Variants in GRID2 observed in about 807,000 individuals in gnomAD.
GRID2 encodes glutamate receptor ionotropic, delta-2.
GRID2 carries 33 observed loss-of-function variants against 114.8 expected under a neutral mutation model. That is an observed-to-expected ratio of 0.29 (90% CI 0.22 to 0.38). GRID2 has a LOEUF of 0.38. Among genes scored for constraint, GRID2 ranks in the 10% least tolerant of loss-of-function variants. The probability of loss-of-function intolerance (pLI) is 1.00; values close to 1 mark genes in which losing one functional copy is unlikely to be tolerated. For missense variants in GRID2, 1,184 were observed against 1,257.7 expected (o/e 0.94, Z 0.89); for synonymous variants, 505 against 449.9 (o/e 1.12, Z -1.55).
intron 13 of GRID2, among the ~76,000 whole-genome samples, chr4:93,570,595 T>A (rs1041414298): frequency 6.6e-6 from 1 of 152,184 alleles, no homozygotes; most frequent in Non-Finnish European, 1.5e-5. Flanking sequence ...TAAAGCTTGC[T>A]AATTACCCTG....
At chr4:93,419,365 A>G (rs1429390289) in intron 9 of GRID2, among the ~76,000 whole-genome samples, 2 of 152,018 alleles carry the variant, frequency 1.3e-5, no homozygotes, top group African/African-American at 4.8e-5. Context: ...CATAGATAAA[A>G]GTGATCAAAA....
intron 1 of GRID2, among the ~76,000 whole-genome samples, chr4:92,373,339 G>C (rs2110222497): frequency 1.3e-5 from 2 of 152,288 alleles, no homozygotes; most frequent in South Asian, 4.1e-4. Context: ...ATGTTGTCCA[G>C]ATCCATCATA....
chr4:92,707,358 A>G (rs1316044260), intron 2 of GRID2, among the ~76,000 whole-genome samples: 1 of 152,206 alleles, frequency 6.6e-6, no homozygotes, highest in Non-Finnish European at 1.5e-5. Context: ...AATGGATAGC[A>G]AAATTTTGAC....
intron 8 of GRID2, among the ~76,000 whole-genome samples, chr4:93,272,708 CA>C (rs1449018168): frequency 1.3e-5 from 2 of 152,148 alleles, no homozygotes; most frequent in Non-Finnish European, 2.9e-5. Flanking sequence ...TAGATGCCAG[CA>C]AGCCATGGCA....
At chr4:93,242,842 G>A (rs190434249) in intron 8 of GRID2, among the ~76,000 whole-genome samples, 5 of 152,052 alleles carry the variant, frequency 3.3e-5, no homozygotes, top group Non-Finnish European at 7.4e-5. Flanking sequence ...GAGTTCTGAG[G>A]TCAATATAGT....
chr4:92,630,278 A>C (rs999752819), intron 2 of GRID2, among the ~76,000 whole-genome samples: 3 of 152,114 alleles, frequency 2.0e-5, no homozygotes, highest in African/African-American at 7.2e-5. Flanking sequence ...CCATCCTTGT[A>C]CTTCATCACA....
At chr4:93,622,782 G>A (rs895016624) in intron 13 of GRID2, among the ~76,000 whole-genome samples, 1 of 151,924 alleles carries the variant, frequency 6.6e-6, no homozygotes, top group Non-Finnish European at 1.5e-5. Context: ...CTTTTTATTG[G>A]GTATCCAATA....
At chr4:92,935,054 A>G (rs919879473) in intron 2 of GRID2, among the ~76,000 whole-genome samples, 1 of 146,852 alleles carries the variant, frequency 6.8e-6, no homozygotes, top group African/African-American at 2.4e-5. Context: ...TAATTAAACT[A>G]AAGAGCTTCT....
chr4:93,439,464 GT>G (rs1429911819), intron 10 of GRID2, among the ~76,000 whole-genome samples: 1 of 152,038 alleles, frequency 6.6e-6, no homozygotes, highest in African/African-American at 2.4e-5. Context: ...TGATTTTGTG[GT>G]ACCTGAGGAA....
At chr4:93,196,446 A>T (rs936803372) in intron 4 of GRID2, among the ~76,000 whole-genome samples, 11 of 152,098 alleles carry the variant, frequency 7.2e-5, no homozygotes, top group Non-Finnish European at 4.4e-5. Context: ...TTTTCCTGTG[A>T]AGTCTTTTAA....
At chr4:93,040,926 G>C (rs1053263222) in intron 2 of GRID2, among the ~76,000 whole-genome samples, 2 of 152,000 alleles carry the variant, frequency 1.3e-5, no homozygotes, top group African/African-American at 4.8e-5. Context: ...AGTTCATTAG[G>C]GTTTCCAGCA....
chr4:92,624,508 T>C (rs1353518319), intron 2 of GRID2, among the ~76,000 whole-genome samples: 4 of 151,866 alleles, frequency 2.6e-5, no homozygotes, highest in African/African-American at 7.2e-5. Context: ...CAAATATCTC[T>C]TGATGGAATG....
intron 2 of GRID2, among the ~76,000 whole-genome samples, chr4:92,805,701 G>A (rs1477817334): frequency 3.3e-5 from 5 of 151,958 alleles, no homozygotes; most frequent in African/African-American, 1.2e-4. Context: ...GGGAGGCCCA[G>A]GCAGCAGAAT....
At chr4:92,418,297 G>C (rs573200113) in intron 1 of GRID2, among the ~76,000 whole-genome samples, 46 of 152,228 alleles carry the variant, frequency 3.0e-4, no homozygotes, top group African/African-American at 1.0e-3. Context: ...ATGGCTCATG[G>C]AAAGACTGAA....
At chr4:93,148,614 T>A (rs1736460632) in intron 4 of GRID2, among the ~76,000 whole-genome samples, 1 of 152,162 alleles carries the variant, frequency 6.6e-6, no homozygotes, top group Non-Finnish European at 1.5e-5. Flanking sequence ...TTGTTTAAAA[T>A]GCACAAGGAG....
chr4:93,270,199 C>T (rs1364022115), intron 8 of GRID2, among the ~76,000 whole-genome samples: 1 of 137,208 alleles, frequency 7.3e-6, no homozygotes, highest in Non-Finnish European at 1.5e-5. Flanking sequence ...TATAATCTCT[C>T]TCTCTCACAC....
intron 1 of GRID2, among the ~76,000 whole-genome samples, chr4:93,799,274 A>G (rs1450883380): frequency 6.6e-6 from 1 of 152,196 alleles, no homozygotes; most frequent in Non-Finnish European, 1.5e-5. Flanking sequence ...TCAGCAGTCA[A>G]CACATCTTTA....
At chr4:93,310,635 C>G (rs528849132) in intron 8 of GRID2, among the ~76,000 whole-genome samples, 1 of 152,092 alleles carries the variant, frequency 6.6e-6, no homozygotes, top group Non-Finnish European at 1.5e-5. Context: ...GTGTTGAATT[C>G]CCCAGATTAC....
chr4:92,651,696 T>C (rs1381329568), intron 2 of GRID2, among the ~76,000 whole-genome samples: 1 of 152,094 alleles, frequency 6.6e-6, no homozygotes, highest in Non-Finnish European at 1.5e-5. Context: ...CTACAGCCCA[T>C]GAATTGATAT....
Sources: allele counts gnomAD v4.1 joint callset (sites outside exome capture counted in the v4.1 genomes callset), GRCh38; gene constraint gnomAD v4.1.1; transcripts MANE v1.5; gene names NCBI Gene and HGNC (gene_info 2026-07-23, HGNC 2026-07-21).